GPC6: variants seen among roughly 807,000 people sequenced by gnomAD.
The protein encoded by GPC6 is glypican 6, also known as glypican-6.
A neutral mutation model predicts 55.2 loss-of-function variants in GPC6; 14 were observed. The ratio of observed to expected loss-of-function variants is 0.25; its 90% CI spans 0.17 to 0.40. The LOEUF is 0.40. Ranked by LOEUF, GPC6 falls within the 10% of genes least tolerant of loss-of-function variation. The pLI, the probability that GPC6 is intolerant of heterozygous loss-of-function variation, is 1.00. For synonymous variants in GPC6, 278 were observed against 259.6 expected (o/e 1.07, Z -0.68); for missense variants, 641 against 708.5 (o/e 0.90, Z 1.08).
intron 1 of GPC6, among the ~76,000 whole-genome samples, chr13:93,337,853 T>C (rs1880102451): frequency 6.6e-6 from 1 of 152,020 alleles, no homozygotes; most frequent in South Asian, 2.1e-4. Context: ...GCAGGAAGAG[T>C]GGAAGTTTAT....
intron 2 of GPC6, among the ~76,000 whole-genome samples, chr13:93,604,656 T>C (rs551789299): frequency 3.9e-5 from 6 of 152,046 alleles, no homozygotes; most frequent in Admixed American, 3.3e-4. Flanking sequence ...ATAGCAACAA[T>C]AGAAGTACGC....
chr13:93,371,595 CA>C (rs1464270824), intron 1 of GPC6, among the ~76,000 whole-genome samples: 2 of 151,994 alleles, frequency 1.3e-5, no homozygotes. Context: ...ACATGGTGAA[CA>C]AGACAAATAC....
intron 4 of GPC6, among the ~76,000 whole-genome samples, chr13:94,179,304 T>C (rs1256509440): frequency 6.6e-6 from 1 of 152,186 alleles, no homozygotes; most frequent in African/African-American, 2.4e-5. Flanking sequence ...CTCAGAAATC[T>C]CTTATGTCTT....
chr13:93,904,490 A>T (rs1334593725), intron 3 of GPC6, among the ~76,000 whole-genome samples: 1 of 152,146 alleles, frequency 6.6e-6, no homozygotes, highest in Non-Finnish European at 1.5e-5. Context: ...GAAAAACTTA[A>T]CTTTTATTTT....
intron 4 of GPC6, among the ~76,000 whole-genome samples, chr13:94,143,769 T>TA (rs1887463747): frequency 6.6e-6 from 1 of 152,116 alleles, no homozygotes; most frequent in South Asian, 2.1e-4. Flanking sequence ...TAGTCCCAGC[T>TA]ACCTGGGAGG....
At chr13:93,932,906 T>G (rs1878246631) in intron 3 of GPC6, among the ~76,000 whole-genome samples, 1 of 151,796 alleles carries the variant, frequency 6.6e-6, no homozygotes, top group Non-Finnish European at 1.5e-5. Flanking sequence ...AGGTCTGAAG[T>G]CCAAAATGAG....
chr13:93,284,685 A>C (rs777757678), intron 1 of GPC6, among the ~76,000 whole-genome samples: 1 of 152,176 alleles, frequency 6.6e-6, no homozygotes, highest in Non-Finnish European at 1.5e-5. Flanking sequence ...CCATATAACA[A>C]AGACATTCAC....
chr13:93,366,222 A>T (rs1336199949), intron 1 of GPC6, among the ~76,000 whole-genome samples: 2 of 152,142 alleles, frequency 1.3e-5, no homozygotes, highest in African/African-American at 4.8e-5. Context: ...TTACATGGAA[A>T]AACCCCAATA....
intron 3 of GPC6, among the ~76,000 whole-genome samples, chr13:93,864,148 T>C (rs1888894038): frequency 6.6e-6 from 1 of 151,712 alleles, no homozygotes; most frequent in African/African-American, 2.4e-5. Context: ...TAGTTAGGCA[T>C]TGTGAATAAA....
intron 3 of GPC6, among the ~76,000 whole-genome samples, chr13:93,938,857 A>G (rs953330106): frequency 3.3e-5 from 5 of 152,190 alleles, no homozygotes; most frequent in Non-Finnish European, 7.3e-5. Flanking sequence ...TAATCCCAGC[A>G]CTTTGGGAGG....
chr13:93,847,416 G>A (rs539407430), intron 3 of GPC6, among the ~76,000 whole-genome samples: 1 of 152,268 alleles, frequency 6.6e-6, no homozygotes, highest in South Asian at 2.1e-4. Context: ...TGGGTTAAAT[G>A]ACTCAAAACC....
chr13:94,085,363 G>C (rs528884836), intron 4 of GPC6, among the ~76,000 whole-genome samples: 76 of 134,272 alleles, frequency 5.7e-4, no homozygotes, highest in South Asian at 4.7e-3. Flanking sequence ...AAAGAAAAAA[G>C]AAAAGAAAAA....
intron 4 of GPC6, among the ~76,000 whole-genome samples, chr13:94,197,652 T>C (rs1889620598): frequency 1.3e-5 from 2 of 152,132 alleles, no homozygotes; most frequent in African/African-American, 4.8e-5. Flanking sequence ...TATCTCCAAA[T>C]ACAGTCAGAT....
intron 4 of GPC6, among the ~76,000 whole-genome samples, chr13:94,272,437 C>CT (rs1166455690): frequency 2.3e-5 from 3 of 129,766 alleles, no homozygotes. Context: ...GGTCCTGCTT[C>CT]TTTTTCTTTT....
intron 2 of GPC6, among the ~76,000 whole-genome samples, chr13:93,626,051 C>A (rs1296122531): frequency 6.6e-6 from 1 of 151,936 alleles, no homozygotes; most frequent in South Asian, 2.1e-4. Flanking sequence ...GAAATTTGAG[C>A]GTAATAAGAA....
chr13:94,058,753 T>G (rs929350114), intron 4 of GPC6, among the ~76,000 whole-genome samples: 1 of 152,132 alleles, frequency 6.6e-6, no homozygotes, highest in African/African-American at 2.4e-5. Context: ...AATGATGAGG[T>G]TCCTTCCCAT....
At chr13:93,920,217 C>G (rs1242291817) in intron 3 of GPC6, among the ~76,000 whole-genome samples, 2 of 151,848 alleles carry the variant, frequency 1.3e-5, no homozygotes, top group Non-Finnish European at 2.9e-5. Context: ...TCAGCAATCA[C>G]TCTAATTCTT....
intron 5 of GPC6, among the ~76,000 whole-genome samples, chr13:94,302,961 C>A (rs1594148175): frequency 6.6e-6 from 1 of 152,236 alleles, no homozygotes; most frequent in African/African-American, 2.4e-5. Flanking sequence ...CGTGCAGGAA[C>A]AATGGCAAGC....
At chr13:93,800,659 A>G (rs1206260050) in intron 2 of GPC6, among the ~76,000 whole-genome samples, 6 of 152,334 alleles carry the variant, frequency 3.9e-5, no homozygotes, top group South Asian at 2.1e-4. Flanking sequence ...GTGATTTTCT[A>G]TGAGAATGTG....
Sources: gnomAD v4.1 joint callset for allele counts (sites outside exome capture counted in the v4.1 genomes callset) on GRCh38, gnomAD v4.1.1 for gene constraint, MANE v1.5 for transcripts, NCBI Gene and HGNC (gene_info 2026-07-23, HGNC 2026-07-21) for gene names.